The following SLC6A20 variants were observed in gnomAD, a reference collection of about 807,000 sequenced individuals.
SLC6A20 encodes solute carrier family 6 member 20.
SLC6A20 carries 73 observed loss-of-function variants against 64.3 expected under a neutral mutation model. The observed-to-expected ratio is 1.14, with a 90% CI of 0.94 to 1.38. SLC6A20 has a LOEUF of 1.38. Ranked by LOEUF, SLC6A20 falls within the 40% of genes most tolerant of loss-of-function variation. The pLI, the probability that SLC6A20 is intolerant of heterozygous loss-of-function variation, is 0.00. For missense variants in SLC6A20, 725 were observed against 772.8 expected, an observed-to-expected ratio of 0.94 and a Z score of 0.73; for synonymous variants, 347 against 329.6, an observed-to-expected ratio of 1.05 and a Z score of -0.57.
At chr3:45,782,674 T>A (rs1440254230) in intron 1 of SLC6A20, among the ~76,000 whole-genome samples, 1 of 151,924 alleles carries the variant, frequency 6.6e-6, no homozygotes, top group Non-Finnish European at 1.5e-5. Flanking sequence ...CATCCATCCA[T>A]CCTTCCATCC....
chr3:45,779,021 C>T (rs1700024738), intron 3 of SLC6A20, among the ~76,000 whole-genome samples: 1 of 152,218 alleles, frequency 6.6e-6, no homozygotes, highest in African/African-American at 2.4e-5. Context: ...CTCACGCCCC[C>T]ACAGAGTCAA....
In SLC6A20 at chr3:45,772,634, A is replaced by C. The variant is rs755874878; in HGVS notation, c.583-19T>G. ...ACACCACCTGCGGGCATCAGAGGGC[A>C]GAGTTGGCCTCCCGGAGCAGTGGGG... On this transcript the variant is annotated intron_variant, in intron 4 of 10. Coordinates refer to ENST00000358525, the MANE Select transcript of SLC6A20 (RefSeq NM_020208.4). The C allele has an allele frequency of 6.2e-7, 1 of 1,605,004 alleles. No homozygotes were observed. Among genetic ancestry groups the C allele is most frequent in the Admixed American group, 1.7e-5 (1 of 59,398 alleles).
intron 6 of SLC6A20, among the ~76,000 whole-genome samples, chr3:45,770,716 T>C (rs937563323): frequency 3.9e-5 from 6 of 152,242 alleles, no homozygotes; most frequent in Admixed American, 2.0e-4. Flanking sequence ...ACTGAGCAAC[T>C]GATTGAAAGT....
At position 45,757,913 on chromosome 3, in the gene SLC6A20, CT is replaced by C. The variant is rs774194927; in HGVS notation, c.*1064del. 40,176 of 118,242 alleles carry C rather than the reference CT, an allele frequency of 0.34. 6,099 individuals carry two copies. The highest frequency in any genetic ancestry group is 0.5 in the African/African-American group (14,995 of 29,780). 7.3% of individuals were successfully genotyped at this position (118,242 alleles called of 1,614,324 possible). A position where few individuals can be genotyped will look rare whatever the true frequency, so the allele number is the denominator to read the frequency against. ...TAAGCCTATGGGAAAGTCAGAGCCA[CT>C]TTTTTTTTTTTTTTTTTTTGAGTCA... On this transcript the variant is annotated 3_prime_UTR_variant, in exon 11 of 11. Coordinates refer to ENST00000358525, the MANE Select transcript of SLC6A20 (RefSeq NM_020208.4).
In SLC6A20 at chr3:45,796,080, C is replaced by T. The variant is rs574759436; in HGVS notation, c.121+219G>A. ...GGGCTTGGCCGCCCCCGGGATGGGG[C>T]GAGGGGTTCCCGAGGGCTTGGGAGG... On this transcript the variant is annotated intron_variant, in intron 1 of 10. Transcript: ENST00000358525. 2.0e-5 allele frequency among the ~76,000 whole-genome samples: 3 copies of T among 152,244 alleles called. No homozygotes were observed. The East Asian group carries it at 5.8e-4, about 29-fold the overall frequency.
rs544396065 is a variant in SLC6A20 at position 45,772,125 on chromosome 3, C to T, written c.693+380G>A. 7 of 205,518 alleles carry T rather than the reference C, an allele frequency of 3.4e-5. No homozygotes were observed. In the South Asian group the frequency reaches 5.9e-4, roughly 17 times the overall value. The allele number at this position is 205,518 out of a possible 1,614,324, so 12.7% of individuals were successfully genotyped here. A position where few individuals can be genotyped will look rare whatever the true frequency, so the allele number is the denominator to read the frequency against. On this transcript the variant is annotated intron_variant, in intron 5 of 10. Transcript: ENST00000358525. ...TGGGTTGGGAAACTCTGTAGGGAAACGGGTGCGTGGAACCATGTAAGCAGG... is the reference window on the plus strand; with the variant it reads ...TGGGTTGGGAAACTCTGTAGGGAAATGGGTGCGTGGAACCATGTAAGCAGG...
At position 45,780,037 on chromosome 3, in the gene SLC6A20, G is replaced by C. The variant is rs766752279; in HGVS notation, c.326C>G (p.Ala109Gly). 5 of 1,605,072 alleles carry C rather than the reference G, an allele frequency of 3.1e-6. No individual in the cohort carries two copies. Among genetic ancestry groups the C allele is most frequent in the Non-Finnish European group, 4.3e-6 (5 of 1,175,712 alleles). ...SMYYNVINAW[A>G]FWYLFHSFQD... ...GAAGGAGTGGAAGAGGTACCAGAAG[G>C]CCCAGGCGTTGATGACGTTGTAGTA... Residue 109 changes from alanine (A) to glycine (G), a missense_variant, in exon 3 of 11, where the codon GCC (alanine) becomes GGC (glycine). Physicochemically the swap from Ala to Gly is moderately conservative, Grantham distance 60. Coordinates refer to ENST00000358525, the MANE Select transcript of SLC6A20 (RefSeq NM_020208.4).
chr3:45,759,541 G>A (rs1051370769), intron 10 of SLC6A20, among the ~76,000 whole-genome samples: 3 of 152,214 alleles, frequency 2.0e-5, no homozygotes, highest in African/African-American at 4.8e-5. Flanking sequence ...TGCGGTAGGC[G>A]CGGAGGAGAG....
intron 10 of SLC6A20, 113 bp downstream of exon 10, chr3:45,759,744 A>G: frequency 7.6e-7 from 1 of 1,312,650 alleles, no homozygotes; most frequent in Middle Eastern, 2.5e-4. Context: ...CCATGTCGTG[A>G]CAAATAACCT....
chr3:45,759,241 C>T (rs898774299), intron 10 of SLC6A20, 114 bp from the exon 11 acceptor site: 6 of 1,154,388 alleles, frequency 5.2e-6, no homozygotes, highest in Non-Finnish European at 7.1e-6. Flanking sequence ...CATGTGGGGC[C>T]GGTGTCCTCA....
chr3:45,755,615 G>C lies in SLC6A20; in HGVS notation c.*3363C>G, dbSNP rs996487038. 6.6e-6 allele frequency: 1 copy of C among 152,590 alleles called. No homozygotes were observed. Among genetic ancestry groups the C allele is most frequent in the Non-Finnish European group, 1.5e-5 (1 of 68,042 alleles). The allele number at this position is 152,590 out of a possible 1,614,324, so 9.5% of individuals were successfully genotyped here. On this transcript the variant is annotated 3_prime_UTR_variant, in exon 11 of 11. Coordinates refer to ENST00000358525, the MANE Select transcript of SLC6A20 (RefSeq NM_020208.4). ...CCATCGTGTCATGGCTACCACTAAG[G>C]GTACAGGGATGGAATGTCCCTTTGT...
intron 1 of SLC6A20, among the ~76,000 whole-genome samples, chr3:45,792,758 G>A (rs1421538480): frequency 6.6e-6 from 1 of 152,206 alleles, no homozygotes; most frequent in Non-Finnish European, 1.5e-5. Context: ...CAATACGTTG[G>A]CAGTCTGAAA....
At chr3:45,763,245 G>A (rs1005276985) in intron 8 of SLC6A20, among the ~76,000 whole-genome samples, 173 bp from the exon 9 acceptor site, 5 of 152,236 alleles carry the variant, frequency 3.3e-5, no homozygotes, top group Non-Finnish European at 5.9e-5. Context: ...TGTGCCACGT[G>A]TGTGGGGCAG....
At chr3:45,769,508 G>T (rs1178917110) in intron 7 of SLC6A20, among the ~76,000 whole-genome samples, 1 of 150,994 alleles carries the variant, frequency 6.6e-6, no homozygotes, top group Non-Finnish European at 1.5e-5. Flanking sequence ...ATTAGTAAGG[G>T]AATGGATAAA....
chr3:45,763,735 G>A (rs1452553636), intron 8 of SLC6A20, among the ~76,000 whole-genome samples: 2 of 152,116 alleles, frequency 1.3e-5, no homozygotes, highest in African/African-American at 4.8e-5. Flanking sequence ...TCAGACCCAG[G>A]CCCTTTAGCC....
At position 45,783,069 on chromosome 3, in the gene SLC6A20, A is replaced by C. The variant is rs368560733; in HGVS notation, c.122-846T>G. ...CACAGCCCTGATGGTGCTCCACATG[A>C]GGTAGTGTATGAAACAGACACTTAC... On this transcript the variant is annotated intron_variant, in intron 1 of 10. Coordinates refer to ENST00000358525, the MANE Select transcript of SLC6A20 (RefSeq NM_020208.4). Among the ~76,000 whole-genome samples, 756 of 152,308 alleles carry C rather than the reference A, an allele frequency of 5.0e-3. 50 individuals are homozygous for C. In the South Asian group the frequency reaches 0.14, roughly 29 times the overall value.
intron 1 of SLC6A20, among the ~76,000 whole-genome samples, chr3:45,791,449 C>T (rs1329458014): frequency 6.6e-6 from 1 of 152,158 alleles, no homozygotes; most frequent in African/African-American, 2.4e-5. Context: ...GGCTTCTCCA[C>T]CAGTAGGCAG....
In SLC6A20 at chr3:45,759,117, A is replaced by T; in HGVS notation, c.1640T>A (p.Val547Glu). Reference protein sequence around the residue: ...QAWDASQGQLVTKDYPAYALA... With the variant: ...QAWDASQGQLETKDYPAYALA... ...TGCATAGGCCGGGTAATCTTTGGTC[A>T]CGAGCTGGCCCTGAAAGGAGAGACT... Residue 547 changes from valine (V) to glutamate (E), a missense_variant, in exon 11 of 11, where the codon GTG becomes GAG. Coordinates refer to ENST00000358525, the MANE Select transcript of SLC6A20 (RefSeq NM_020208.4). 6.2e-7 allele frequency: 1 copy of T among 1,610,618 alleles called. No homozygotes were observed. The highest frequency in any genetic ancestry group is 1.3e-5 in the African/African-American group (1 of 74,948).
intron 8 of SLC6A20, among the ~76,000 whole-genome samples, chr3:45,763,867 G>A (rs1033886229): frequency 4.6e-5 from 7 of 152,136 alleles, no homozygotes; most frequent in African/African-American, 1.2e-4. Flanking sequence ...GCCAGCTACC[G>A]AGCCCTCCTG....
Sources: allele counts gnomAD v4.1 joint callset (sites outside exome capture counted in the v4.1 genomes callset), GRCh38; gene constraint gnomAD v4.1.1; transcripts MANE v1.5; gene names NCBI Gene and HGNC (gene_info 2026-07-23, HGNC 2026-07-21).